DAGLB: variants seen among roughly 807,000 people sequenced by gnomAD.
The protein encoded by DAGLB is diacylglycerol lipase beta.
DAGLB carries 66 observed loss-of-function variants against 72.1 expected under a neutral mutation model. The ratio of observed to expected loss-of-function variants is 0.92; its 90% confidence interval spans 0.75 to 1.12. The LOEUF (loss-of-function observed/expected upper bound fraction) is 1.12, where lower values mean the gene tolerates loss of function less well. DAGLB is among the 50% of genes most tolerant of loss of function. The probability of loss-of-function intolerance (pLI) is 0.00; values close to 1 mark genes in which losing one functional copy is unlikely to be tolerated. For synonymous variants in DAGLB, 414 were observed against 359.5 expected (o/e 1.15, Z -1.71); for missense variants, 1,065 against 884.9 (o/e 1.20, Z -2.58).
chr7:6,423,119 G>T (rs377678739), intron 8 of DAGLB, among the ~76,000 whole-genome samples: 2 of 152,282 alleles, frequency 1.3e-5, no homozygotes, highest in African/African-American at 4.8e-5. Context: ...GGGTGTAGTG[G>T]CACATGCCTG....
intron 4 of DAGLB, 124 bp downstream of exon 4, chr7:6,434,638 A>G: frequency 6.7e-7 from 1 of 1,487,362 alleles, no homozygotes; most frequent in Non-Finnish European, 9.1e-7. Context: ...GTCTCCGGCC[A>G]CCCCCCACAC....
intron 2 of DAGLB, among the ~76,000 whole-genome samples, chr7:6,439,641 T>C (rs1056065024): frequency 1.5e-4 from 23 of 152,174 alleles, no homozygotes; most frequent in Admixed American, 1.2e-3. Context: ...AAGGCAGACT[T>C]TGTATGTCAA....
chr7:6,409,734 G>C lies in DAGLB; in HGVS notation c.*103C>G. ...TGTTCCCATCCGATTCCTGTTGATG[G>C]ACATTCGCTGTTTTGGCGTCATGGG... On this transcript the variant is annotated 3_prime_UTR_variant, in exon 15 of 15. Transcript: ENST00000297056. 1.6e-6 allele frequency: 2 copies of C among 1,289,774 alleles called. No homozygotes were observed. Among genetic ancestry groups the C allele is most frequent in the Non-Finnish European group, 2.1e-6 (2 of 941,242 alleles). The allele number at this position is 1,289,774 out of a possible 1,614,324, so 79.9% of individuals were successfully genotyped here. A position where few individuals can be genotyped will look rare whatever the true frequency, so the allele number is the denominator to read the frequency against.
intron 9 of DAGLB, among the ~76,000 whole-genome samples, chr7:6,418,350 C>T (rs973919829): frequency 3.3e-5 from 5 of 151,658 alleles, no homozygotes; most frequent in African/African-American, 1.2e-4. Context: ...GCCTGGGTGG[C>T]ACAGTGAGAC....
chr7:6,446,797 A>G (rs570090374), intron 1 of DAGLB, among the ~76,000 whole-genome samples: 1 of 152,204 alleles, frequency 6.6e-6, no homozygotes, highest in South Asian at 2.1e-4. Flanking sequence ...TCACTTGAGC[A>G]CAAGAGTTGG....
chr7:6,439,886 T>C (rs1257656208), intron 2 of DAGLB, among the ~76,000 whole-genome samples: 1 of 151,650 alleles, frequency 6.6e-6, no homozygotes, highest in Non-Finnish European at 1.5e-5. Context: ...AACCCATCTC[T>C]ACTAAAAATA....
chr7:6,434,743 C>G lies in DAGLB; in HGVS notation c.678+19G>C. ...ACTGAAACAGAAGAAACAGACCAAACCAGATCCCCTCGGCTTACTGAAAAG... is the reference window on the plus strand; with the variant it reads ...ACTGAAACAGAAGAAACAGACCAAAGCAGATCCCCTCGGCTTACTGAAAAG... On this transcript the variant is annotated intron_variant, in intron 4 of 14. Coordinates refer to ENST00000297056, the MANE Select transcript of DAGLB (RefSeq NM_139179.4). 1.2e-6 allele frequency: 2 copies of G among 1,613,742 alleles called. No individual in the cohort carries two copies. The highest frequency in any genetic ancestry group is 1.7e-6 in the Non-Finnish European group (2 of 1,179,704).
chr7:6,413,017 T>C lies in DAGLB; in HGVS notation c.1445A>G (p.Tyr482Cys), dbSNP rs1296344307. Residue 482 changes from tyrosine to cysteine, a missense_variant, in exon 12 of 15, where the codon TAT becomes TGT. Transcript: ENST00000297056. ...GAGTGACACGATGAAGCTCTGAGAA[T>C]ATTCCTGCAGAGCTTTGCTGAAATT... ...RGLWSKALQE[Y>C]SQSFIVSLVL... 4.3e-6 allele frequency: 7 copies of C among 1,613,624 alleles called. No homozygotes were observed. In the South Asian group the frequency reaches 5.5e-5, roughly 13 times the overall value.
chr7:6,447,615 A>G (rs1785052261), intron 1 of DAGLB, 133 bp downstream of exon 1: 13 of 1,288,150 alleles, frequency 1.0e-5, no homozygotes, highest in South Asian at 6.1e-5. Flanking sequence ...TGAGAACTCG[A>G]TAAGAGGATG....
In DAGLB at chr7:6,430,620, G is replaced by A. The variant is rs1784454406; in HGVS notation, c.802-13C>T. On this transcript the variant is annotated splice_polypyrimidine_tract_variant and intron_variant, in intron 5 of 14. Transcript: ENST00000297056. ...CCAGATCAGCTTCCTACAAGAGAAG[G>A]ACAAAAACTACTGTTTATTAAGGGA... 1.3e-6 allele frequency: 2 copies of A among 1,573,108 alleles called. No homozygotes were observed. The highest frequency in any genetic ancestry group is 1.7e-6 in the Non-Finnish European group (2 of 1,154,832).
chr7:6,419,125 G>C (rs137943291), intron 9 of DAGLB, among the ~76,000 whole-genome samples: 46 of 130,830 alleles, frequency 3.5e-4, no homozygotes, highest in African/African-American at 1.2e-3. Flanking sequence ...AGGTTCAAGC[G>C]ATTCTCCTGC....
rs1257512333 is a variant in DAGLB, at chr7:6,409,488, G to T, written c.*349C>A. On this transcript the variant is annotated 3_prime_UTR_variant, in exon 15 of 15. Coordinates refer to ENST00000297056, the MANE Select transcript of DAGLB (RefSeq NM_139179.4). ...GCTGCCTTGGGGGTGGGAGGCTAAG[G>T]AACTGTTCACGGTCTTCTGGGTGGG... 3 of 289,640 alleles carry T rather than the reference G, an allele frequency of 1.0e-5. No homozygotes were observed. In the South Asian group the frequency reaches 1.5e-4, roughly 14 times the overall value. The allele number at this position is 289,640 out of a possible 1,614,324, so 17.9% of individuals were successfully genotyped here.
chr7:6,444,752 T>G (rs1784940898), intron 2 of DAGLB, among the ~76,000 whole-genome samples: 1 of 151,814 alleles, frequency 6.6e-6, no homozygotes, highest in Admixed American at 6.6e-5. Flanking sequence ...GAAATGTTCC[T>G]CAAAGCCATG....
At chr7:6,413,068 T>A in intron 11 of DAGLB, 34 bp from the exon 12 acceptor site, 1 of 1,604,652 alleles carries the variant, frequency 6.2e-7, no homozygotes, top group Non-Finnish European at 8.5e-7. Flanking sequence ...ATGTTAGCTT[T>A]ACGATGACAC....
intron 13 of DAGLB, among the ~76,000 whole-genome samples, chr7:6,411,288 C>T (rs1486761496): frequency 3.9e-5 from 6 of 151,908 alleles, no homozygotes; most frequent in South Asian, 2.1e-4. Context: ...GGATTACAGG[C>T]GTGAGCCACC....
In DAGLB at chr7:6,436,388, G is replaced by A. The variant is rs145348882; in HGVS notation, c.393C>T (p.Asn131=). 6,826 of 1,612,440 alleles carry A rather than the reference G, an allele frequency of 4.2e-3. 29 individuals are homozygous for A. The highest frequency in any genetic ancestry group is 0.016 in the Middle Eastern group (96 of 6,056). The change falls in exon 3 of 15, where the codon AAC becomes AAT. Residue 131 remains asparagine (N), a synonymous_variant. Coordinates refer to ENST00000297056, the MANE Select transcript of DAGLB (RefSeq NM_139179.4). ...DGVQCDRTVV[N]GIIATVVVSW... is the part of the protein sequence containing the mutation. ...TGACCACGACGGTTGCGATGATGCC[G>A]TTTACAACTGTCCTGTCGCACTGAA...
At position 6,430,505 on chromosome 7, in the gene DAGLB, C is replaced by G. The variant is rs1171314628; in HGVS notation, c.904G>C (p.Gly302Arg). The change falls in exon 6 of 15, where the codon GGG becomes CGG. Residue 302 changes from glycine to arginine, a missense_variant. Coordinates refer to ENST00000297056, the MANE Select transcript of DAGLB (RefSeq NM_139179.4). ...CAGTCACCACCAATCCTGCACAGCC[C>G]CGTGAGGGGGTTTCTGTAGATGTAG... ...PLYIYRNPLT[G>R]LCRIGGDCCR... 1 of 1,596,242 alleles carries G rather than the reference C, an allele frequency of 6.3e-7. No individual in the cohort carries two copies. The highest frequency in any genetic ancestry group is 8.6e-7 in the Non-Finnish European group (1 of 1,168,212).
chr7:6,409,620 T>C lies in DAGLB; in HGVS notation c.*217A>G, dbSNP rs1358311715. ...CACGGTCGCTGGGTCTCAGGAGTCGTCCTATCACCTGAGCGTGCTCACTAC... is the reference window on the plus strand; with the variant it reads ...CACGGTCGCTGGGTCTCAGGAGTCGCCCTATCACCTGAGCGTGCTCACTAC... On this transcript the variant is annotated 3_prime_UTR_variant, in exon 15 of 15. Transcript: ENST00000297056. 3 of 612,330 alleles carry C rather than the reference T, an allele frequency of 4.9e-6. No homozygotes were observed. Among genetic ancestry groups the C allele is most frequent in the Non-Finnish European group, 8.4e-6 (3 of 356,004 alleles). The allele number at this position is 612,330 out of a possible 1,614,324, so 37.9% of individuals were successfully genotyped here. A position where few individuals can be genotyped will look rare whatever the true frequency, so the allele number is the denominator to read the frequency against.
chr7:6,413,119 G>A, intron 11 of DAGLB, 85 bp from the exon 12 acceptor site: 1 of 1,428,762 alleles, frequency 7.0e-7, no homozygotes, highest in Non-Finnish European at 9.7e-7. Context: ...GTAACACTGA[G>A]GGGTTAGGTT....
Sources: gnomAD v4.1 joint callset for allele counts (sites outside exome capture counted in the v4.1 genomes callset) on GRCh38, gnomAD v4.1.1 for gene constraint, MANE v1.5 for transcripts, NCBI Gene and HGNC (gene_info 2026-07-23, HGNC 2026-07-21) for gene names.